Variants in GALP observed in about 807,000 individuals in gnomAD.
GALP encodes the protein galanin-like peptide.
In GALP, 12 loss-of-function variants were observed where a neutral mutation model predicts 15.2. The ratio of observed to expected loss-of-function variants is 0.79; its 90% CI spans 0.51 to 1.28. GALP has a LOEUF of 1.28. Ranked by LOEUF, GALP falls within the 50% of genes most tolerant of loss-of-function variation. The pLI is 0.00. For missense variants in GALP, 161 were observed against 145.6 expected (o/e 1.11, Z -0.55); for synonymous variants, 58 against 55.1 (o/e 1.05, Z -0.23).
At chr19:56,176,646 A>C (rs1565011) in intron 1 of GALP, among the ~76,000 whole-genome samples, 47 of 57,484 alleles carry the variant, frequency 8.2e-4, no homozygotes, top group East Asian at 4.0e-3. Flanking sequence ...AGAGGGGTGG[A>C]TCCAAGCTGC....
At chr19:56,177,851 C>G (rs931601449) in intron 2 of GALP, among the ~76,000 whole-genome samples, 11 of 152,240 alleles carry the variant, frequency 7.2e-5, no homozygotes, top group African/African-American at 2.6e-4. Context: ...ACTCGGATGG[C>G]AGGCAGCTCT....
intron 2 of GALP, among the ~76,000 whole-genome samples, chr19:56,179,792 T>C (rs1391155879): frequency 6.6e-6 from 1 of 151,948 alleles, no homozygotes; most frequent in Non-Finnish European, 1.5e-5. Flanking sequence ...GGCTAATTTT[T>C]GTATTTTTTG....
chr19:56,178,181 A>T (rs2122157627), intron 2 of GALP, among the ~76,000 whole-genome samples: 1 of 150,518 alleles, frequency 6.6e-6, no homozygotes, highest in African/African-American at 2.4e-5. Flanking sequence ...AAAAAAAAAG[A>T]GGCCAGTCCC....
At chr19:56,182,056 A>G (rs570958193) in intron 3 of GALP, 116 bp from the exon 4 acceptor site, 73 of 759,500 alleles carry the variant, frequency 9.6e-5, no homozygotes, top group Non-Finnish European at 1.3e-4. Flanking sequence ...ACCCCGTCCG[A>G]CAGACTTGGT....
At chr19:56,185,194 T>C in intron 5 of GALP, 21 bp from the exon 6 acceptor site, 2 of 1,564,948 alleles carry the variant, frequency 1.3e-6, no homozygotes, top group Non-Finnish European at 1.8e-6. Context: ...CATTCAAAGT[T>C]TACCTCTTTC....
intron 2 of GALP, 80 bp from the exon 3 acceptor site, chr19:56,180,506 G>T (rs1468275768): frequency 2.5e-6 from 3 of 1,190,724 alleles, no homozygotes; most frequent in East Asian, 4.7e-5. Flanking sequence ...GTCGTATGAC[G>T]ACCCACATCA....
At chr19:56,178,287 G>A (rs1052342975) in intron 2 of GALP, among the ~76,000 whole-genome samples, 1 of 151,300 alleles carries the variant, frequency 6.6e-6, no homozygotes, top group Non-Finnish European at 1.5e-5. Context: ...AACATAGTGA[G>A]AACCTCCATC....
At chr19:56,181,708 A>C (rs2122168775) in intron 3 of GALP, among the ~76,000 whole-genome samples, 1 of 152,204 alleles carries the variant, frequency 6.6e-6, no homozygotes, top group South Asian at 2.1e-4. Context: ...GCTCCTGGCA[A>C]CTTTTTTCTC....
intron 3 of GALP, 39 bp from the exon 4 acceptor site, chr19:56,182,132 TA>T (rs2032576755): frequency 1.4e-6 from 2 of 1,445,158 alleles, no homozygotes; most frequent in Non-Finnish European, 9.7e-7. Flanking sequence ...CAGTTCTACT[TA>T]ACCGACCACC....
At chr19:56,183,748 C>T (rs2032607654) in intron 5 of GALP, among the ~76,000 whole-genome samples, 1 of 152,078 alleles carries the variant, frequency 6.6e-6, no homozygotes, top group Admixed American at 6.6e-5. Flanking sequence ...CAGGCACGCG[C>T]CACCATGTCC....
chr19:56,180,482 A>G, intron 2 of GALP, 104 bp from the exon 3 acceptor site: 2 of 924,532 alleles, frequency 2.2e-6, no homozygotes, highest in South Asian at 1.3e-5. Context: ...CCTGCTCCAC[A>G]GGCCAGTGGG....
At position 56,180,110 on chromosome 19, in the gene GALP, G is replaced by A. The variant is rs575127033; in HGVS notation, c.88-476G>A. On this transcript the variant is annotated intron_variant, in intron 2 of 5. Coordinates refer to ENST00000357330, the MANE Select transcript of GALP (RefSeq NM_033106.4). ...GTATTTTTTGTAGAGGCGAGATTTC[G>A]CCATGTTGGCCAGGCTGGCCTTGAA... Among the ~76,000 whole-genome samples the A allele has an allele frequency of 4.6e-5, 7 of 152,120 alleles. 1 individual carries two copies. The South Asian group carries it at 1.0e-3, about 23-fold the overall frequency.
In GALP at chr19:56,177,201, GCCTC is replaced by G. The variant is rs771741794; in HGVS notation, c.87+10_87+13del. 4.3e-5 allele frequency: 70 copies of G among 1,609,920 alleles called. No individual in the cohort carries two copies. Among genetic ancestry groups the G allele is most frequent in the South Asian group, 9.9e-5 (9 of 90,962 alleles). On this transcript the variant is annotated splice_region_variant and intron_variant, in intron 2 of 5. Transcript: ENST00000357330. ...CATCCGCACCTGCCCACCGGGTAACGCCTCCCTAAGTTCCTCGGAAACAACAGTG... is the reference window on the plus strand; with the variant it reads ...CATCCGCACCTGCCCACCGGGTAACGCCTAAGTTCCTCGGAAACAACAGTG...
intron 4 of GALP, 112 bp downstream of exon 4, chr19:56,182,364 T>C: frequency 4.1e-6 from 3 of 734,286 alleles, no homozygotes; most frequent in Non-Finnish European, 6.9e-6. Context: ...CGCTTACTAT[T>C]TGGGGGGCCC....
chr19:56,184,104 C>T (rs976936519), intron 5 of GALP, among the ~76,000 whole-genome samples: 2 of 151,674 alleles, frequency 1.3e-5, no homozygotes, highest in South Asian at 4.2e-4. Context: ...TACAGGCGCC[C>T]GCCACCACAT....
Position 56,177,100 on chromosome 19 carries a change from C to G in GALP, c.-9C>G, listed in dbSNP as rs375616208. Reference sequence around the variant, plus strand: ...TCCGCAGCTGTAGGCACCTGTCGTCCTGCCTTCGATGGCTCCTCCCTCCGT... The same window carrying G: ...TCCGCAGCTGTAGGCACCTGTCGTCGTGCCTTCGATGGCTCCTCCCTCCGT... On this transcript the variant is annotated 5_prime_UTR_variant, in exon 2 of 6. Transcript: ENST00000357330. 4 of 1,610,644 alleles carry G rather than the reference C, an allele frequency of 2.5e-6. No homozygotes were observed. The highest frequency in any genetic ancestry group is 1.3e-5 in the African/African-American group (1 of 74,792).
intron 2 of GALP, among the ~76,000 whole-genome samples, chr19:56,177,399 T>G (rs1312429614): frequency 6.6e-6 from 1 of 151,286 alleles, no homozygotes; most frequent in Non-Finnish European, 1.5e-5. Flanking sequence ...TAGTCCCAGC[T>G]ACTCAGGAGG....
At chr19:56,185,159 G>C in intron 5 of GALP, 56 bp from the exon 6 acceptor site, 1 of 1,121,276 alleles carries the variant, frequency 8.9e-7, no homozygotes, top group South Asian at 1.2e-5. Flanking sequence ...AAATTAGCTG[G>C]GTGGGGAGTG....
intron 2 of GALP, among the ~76,000 whole-genome samples, chr19:56,178,847 G>T (rs2032512583): frequency 6.6e-6 from 1 of 152,126 alleles, no homozygotes; most frequent in Non-Finnish European, 1.5e-5. Context: ...GAACACTCTG[G>T]CTTAAATATT....
Sources: gnomAD v4.1 joint callset for allele counts (sites outside exome capture counted in the v4.1 genomes callset) on GRCh38, gnomAD v4.1.1 for gene constraint, MANE v1.5 for transcripts, NCBI Gene and HGNC (gene_info 2026-07-23, HGNC 2026-07-21) for gene names.